Variants in CALD1 observed in about 807,000 individuals in gnomAD.
CALD1 encodes the protein caldesmon 1.
A neutral mutation model predicts 99.9 loss-of-function variants in CALD1; 33 were observed. The ratio of observed to expected loss-of-function variants is 0.33; its 90% CI spans 0.25 to 0.44. CALD1 has a LOEUF of 0.44. Ranked by LOEUF, CALD1 falls within the 20% of genes least tolerant of loss-of-function variation. The pLI is 1.00. For synonymous variants in CALD1, 310 were observed against 325.0 expected, an observed-to-expected ratio of 0.95 and a Z score of 0.50; for missense variants, 861 against 962.1, an observed-to-expected ratio of 0.89 and a Z score of 1.39.
chr7:134,785,917 A>G (rs1287656031), intron 1 of CALD1, among the ~76,000 whole-genome samples: 4 of 152,240 alleles, frequency 2.6e-5, no homozygotes, highest in Non-Finnish European at 2.9e-5. Context: ...TAAGCTGGGC[A>G]AGACCTTAGG....
chr7:134,902,576 C>T (rs1287456147), intron 3 of CALD1, among the ~76,000 whole-genome samples: 1 of 152,052 alleles, frequency 6.6e-6, no homozygotes, highest in Non-Finnish European at 1.5e-5. Context: ...CATGAGCCCA[C>T]CTCGGAGCTA....
intron 3 of CALD1, among the ~76,000 whole-genome samples, chr7:134,913,464 G>C (rs1410058358): frequency 6.6e-6 from 1 of 152,024 alleles, no homozygotes; most frequent in East Asian, 1.9e-4. Context: ...TTGTCATTCT[G>C]TCCTTTTAAA....
At chr7:134,856,748 A>T (rs1482383835) in intron 2 of CALD1, among the ~76,000 whole-genome samples, 1 of 152,228 alleles carries the variant, frequency 6.6e-6, no homozygotes, top group Non-Finnish European at 1.5e-5. Flanking sequence ...GAGAAAAACA[A>T]CCACAACTAC....
chr7:134,907,167 G>A (rs547794685), intron 3 of CALD1, among the ~76,000 whole-genome samples: 26 of 152,228 alleles, frequency 1.7e-4, no homozygotes, highest in African/African-American at 5.1e-4. Context: ...AGCTTACCAC[G>A]AAACAGGATA....
chr7:134,859,819 A>T (rs1380291773), intron 2 of CALD1, among the ~76,000 whole-genome samples: 1 of 152,214 alleles, frequency 6.6e-6, no homozygotes, highest in Non-Finnish European at 1.5e-5. Context: ...GTGTCTTCCT[A>T]AGTGTTGAAG....
Position 134,757,483 on chromosome 7 carries a change from C to T in CALD1, c.-130+13120C>T, listed in dbSNP as rs80076334. Reference sequence around the variant, plus strand: ...AAGACCTCATTCCACAGACTGCAAACGTTACTCATGTAATTAGCCTGGAGA... The same window carrying T: ...AAGACCTCATTCCACAGACTGCAAATGTTACTCATGTAATTAGCCTGGAGA... On this transcript the variant is annotated intron_variant, in intron 1 of 13. Transcript: ENST00000417172. Among the ~76,000 whole-genome samples the T allele has an allele frequency of 8.6e-4, 131 of 152,294 alleles. 1 individual carries two copies. Among genetic ancestry groups the T allele is most frequent in the African/African-American group, 3.1e-3 (128 of 41,572 alleles).
chr7:134,943,658 G>A (rs1052260130), intron 7 of CALD1, among the ~76,000 whole-genome samples: 2 of 152,034 alleles, frequency 1.3e-5, no homozygotes, highest in East Asian at 3.9e-4. Context: ...TTATAAAAAC[G>A]CTCAGAAAAT....
chr7:134,837,032 T>TG lies in CALD1; in HGVS notation c.-129-6851dup, dbSNP rs200857605. On this transcript the variant is annotated intron_variant, in intron 1 of 14. Transcript: ENST00000361675. Reference sequence around the variant, plus strand: ...TACTATCATAGAACAGGATAAGATCTGTTTTTTTTTTTCATAATTTTACCA... The same window carrying TG: ...TACTATCATAGAACAGGATAAGATCTGGTTTTTTTTTTTCATAATTTTACCA... Among the ~76,000 whole-genome samples, 7 of 149,498 alleles carry TG rather than the reference T, an allele frequency of 4.7e-5. No homozygotes were observed. In the East Asian group the frequency reaches 1.2e-3, roughly 25 times the overall value.
intron 1 of CALD1, among the ~76,000 whole-genome samples, chr7:134,755,270 G>A (rs1204358370): frequency 6.6e-6 from 1 of 152,148 alleles, no homozygotes; most frequent in Non-Finnish European, 1.5e-5. Context: ...CAAAGTGCTG[G>A]GATTACGGGC....
chr7:134,820,498 A>G (rs1563023449), intron 1 of CALD1, among the ~76,000 whole-genome samples: 1 of 152,206 alleles, frequency 6.6e-6, no homozygotes, highest in Non-Finnish European at 1.5e-5. Context: ...TCTTATCCAG[A>G]CAGCATTATA....
At chr7:134,836,732 G>A (rs944422389) in intron 1 of CALD1, among the ~76,000 whole-genome samples, 40 of 152,248 alleles carry the variant, frequency 2.6e-4, no homozygotes, top group African/African-American at 8.9e-4. Context: ...GACCGCAAAC[G>A]ACTTTCTCTT....
chr7:134,863,365 C>A (rs1231268406), intron 2 of CALD1, among the ~76,000 whole-genome samples: 1 of 152,236 alleles, frequency 6.6e-6, no homozygotes, highest in East Asian at 1.9e-4. Flanking sequence ...CCTGACACAA[C>A]AGATTTTATT....
intron 3 of CALD1, among the ~76,000 whole-genome samples, chr7:134,890,241 G>A (rs1802087221): frequency 6.6e-6 from 1 of 152,150 alleles, no homozygotes; most frequent in Non-Finnish European, 1.5e-5. Context: ...TAGTATTTAA[G>A]CAAGAAAACA....
intron 6 of CALD1, among the ~76,000 whole-genome samples, chr7:134,938,330 GA>G (rs1456075428): frequency 6.6e-6 from 1 of 152,122 alleles, no homozygotes; most frequent in Non-Finnish European, 1.5e-5. Flanking sequence ...TTGACTTTCT[GA>G]GTGTCTCTCT....
chr7:134,827,470 A>T (rs1046622380), intron 1 of CALD1, among the ~76,000 whole-genome samples: 2 of 152,222 alleles, frequency 1.3e-5, no homozygotes, highest in Admixed American at 1.3e-4. Context: ...CCCTCTCACA[A>T]CAACCATGCA....
At chr7:134,725,146 T>G in the CALD1 span, among the ~76,000 whole-genome samples, 1 of 152,342 alleles carries the variant, frequency 6.6e-6, no homozygotes, top group African/African-American at 2.4e-5. Context: ...TCAAACACCA[T>G]TCTCCAGGGC....
intron 1 of CALD1, among the ~76,000 whole-genome samples, chr7:134,764,903 A>G (rs1796812409): frequency 6.6e-6 from 1 of 152,206 alleles, no homozygotes; most frequent in African/African-American, 2.4e-5. Flanking sequence ...GAATTGTAGG[A>G]AAAGCAAGCA....
chr7:134,792,869 G>T (rs1037795562), intron 1 of CALD1, among the ~76,000 whole-genome samples: 1 of 152,188 alleles, frequency 6.6e-6, no homozygotes, highest in Non-Finnish European at 1.5e-5. Context: ...TTTCCACTGG[G>T]TCTAAGGGAA....
chr7:134,851,078 T>A (rs947598732), intron 2 of CALD1, among the ~76,000 whole-genome samples: 1 of 152,240 alleles, frequency 6.6e-6, no homozygotes, highest in South Asian at 2.1e-4. Context: ...CTCAGGTATG[T>A]CTTTACTAGC....
Sources: allele counts gnomAD v4.1 joint callset (sites outside exome capture counted in the v4.1 genomes callset), GRCh38; gene constraint gnomAD v4.1.1; transcripts MANE v1.5; gene names NCBI Gene and HGNC (gene_info 2026-07-23, HGNC 2026-07-21).